Variants in MED12L observed in about 807,000 individuals in gnomAD.
MED12L encodes mediator complex subunit 12L.
Under a neutral mutation model 281.3 loss-of-function variants are expected in MED12L, and 60 were observed. The ratio of observed to expected loss-of-function variants is 0.21; its 90% CI spans 0.17 to 0.26. The LOEUF (loss-of-function observed/expected upper bound fraction) is 0.26, where lower values mean the gene tolerates loss of function less well. Ranked by LOEUF, MED12L falls within the 10% of genes least tolerant of loss-of-function variation. MED12L has a pLI of 1.00. For synonymous variants in MED12L, 974 were observed against 987.2 expected (o/e 0.99, Z 0.25); for missense variants, 2,146 against 2,680.9 (o/e 0.80, Z 4.41).
chr3:151,369,344 A>T, intron 25 of MED12L, 92 bp from the exon 26 acceptor site: 1 of 785,820 alleles, frequency 1.3e-6, no homozygotes, highest in Non-Finnish European at 2.0e-6. Flanking sequence ...AAGCACCCAC[A>T]GTCTAACAAT....
At chr3:151,263,047 G>A (rs571938421) in intron 16 of MED12L, among the ~76,000 whole-genome samples, 38 of 152,226 alleles carry the variant, frequency 2.5e-4, no homozygotes, top group South Asian at 2.1e-4. Flanking sequence ...TGACTGTCGC[G>A]TGGGGTGGCG....
chr3:151,278,074 A>T (rs907378036), intron 16 of MED12L, among the ~76,000 whole-genome samples: 1 of 152,214 alleles, frequency 6.6e-6, no homozygotes, highest in African/African-American at 2.4e-5. Flanking sequence ...CATAAATGAT[A>T]ATATTTCAGT....
At chr3:151,113,138 T>C (rs779951825) in intron 2 of MED12L, among the ~76,000 whole-genome samples, 5 of 152,296 alleles carry the variant, frequency 3.3e-5, no homozygotes, top group Non-Finnish European at 5.9e-5. Context: ...GGTGGACAGT[T>C]CCAGTTTTAA....
chr3:151,255,007 T>A (rs1305208314), intron 16 of MED12L, among the ~76,000 whole-genome samples: 2 of 152,214 alleles, frequency 1.3e-5, no homozygotes, highest in Non-Finnish European at 2.9e-5. Flanking sequence ...AGAAACTTTA[T>A]ATTATACTTA....
chr3:151,428,531 G>C (rs1270649103), intron 43 of MED12L, among the ~76,000 whole-genome samples: 1 of 152,186 alleles, frequency 6.6e-6, no homozygotes, highest in East Asian at 1.9e-4. Flanking sequence ...CATTCCATCA[G>C]TTGCTACTGA....
chr3:151,277,824 T>C (rs986578576), intron 16 of MED12L, among the ~76,000 whole-genome samples: 1 of 152,242 alleles, frequency 6.6e-6, no homozygotes, highest in Non-Finnish European at 1.5e-5. Flanking sequence ...TAAAAACTTT[T>C]ACCTATATAA....
intron 39 of MED12L, among the ~76,000 whole-genome samples, chr3:151,408,327 C>T (rs2108338319): frequency 6.6e-6 from 1 of 152,322 alleles, no homozygotes; most frequent in Non-Finnish European, 1.5e-5. Flanking sequence ...TTATCCCTTT[C>T]TCCCTGCTAG....
At chr3:151,172,221 A>G (rs1431350859) in intron 11 of MED12L, among the ~76,000 whole-genome samples, 4 of 152,212 alleles carry the variant, frequency 2.6e-5, no homozygotes, top group Non-Finnish European at 5.9e-5. Flanking sequence ...CAATTCACGT[A>G]TTTTTGATGA....
At chr3:151,345,158 C>T (rs547981717) in intron 16 of MED12L, among the ~76,000 whole-genome samples, 2 of 152,128 alleles carry the variant, frequency 1.3e-5, no homozygotes, top group Admixed American at 6.5e-5. Flanking sequence ...ATCTAAAGGA[C>T]GAGATTTTTA....
chr3:151,213,767 G>A (rs1336732590), intron 16 of MED12L: 1 of 1,614,096 alleles, frequency 6.2e-7, no homozygotes, highest in Non-Finnish European at 8.5e-7. Flanking sequence ...GATGCTTTGT[G>A]CCACTTCCGT....
At chr3:151,318,361 CTTTT>C (rs5853515) in intron 16 of MED12L, among the ~76,000 whole-genome samples, 7 of 144,958 alleles carry the variant, frequency 4.8e-5, no homozygotes, top group African/African-American at 1.8e-4. Context: ...TTCTTTTCTT[CTTTT>C]TTTTTTTTTG....
At chr3:151,136,139 G>A (rs766275567) in intron 5 of MED12L, among the ~76,000 whole-genome samples, 36 of 152,090 alleles carry the variant, frequency 2.4e-4, no homozygotes, top group Non-Finnish European at 4.3e-4. Flanking sequence ...TATCCTTATC[G>A]CTCCCAAAAT....
intron 14 of MED12L, 149 bp from the exon 15 acceptor site, chr3:151,192,401 C>G (rs1309200589): frequency 1.3e-5 from 8 of 637,190 alleles, no homozygotes; most frequent in Non-Finnish European, 2.2e-5. Context: ...CAAGGCATGC[C>G]TTAAAGCTTC....
At chr3:151,417,222 C>T (rs180831218) in intron 43 of MED12L, among the ~76,000 whole-genome samples, 15 of 152,268 alleles carry the variant, frequency 9.9e-5, no homozygotes, top group Non-Finnish European at 1.6e-4. Flanking sequence ...GCTGACCGCT[C>T]ATGTCTCACA....
At chr3:151,379,750 T>C (rs1053978562) in intron 31 of MED12L, among the ~76,000 whole-genome samples, 2 of 152,246 alleles carry the variant, frequency 1.3e-5, no homozygotes, top group African/African-American at 4.8e-5. Context: ...CTTTAAAAAT[T>C]TTTAATTTTA....
At chr3:151,363,296 A>G (rs1754852735) in intron 21 of MED12L, among the ~76,000 whole-genome samples, 1 of 152,178 alleles carries the variant, frequency 6.6e-6, no homozygotes, top group Non-Finnish European at 1.5e-5. Context: ...AAATGGGCAA[A>G]CAAAAGCTGG....
intron 27 of MED12L, among the ~76,000 whole-genome samples, chr3:151,373,936 G>A (rs1475797071): frequency 2.6e-5 from 4 of 151,918 alleles, no homozygotes; most frequent in Admixed American, 2.0e-4. Context: ...TTAATTCTAC[G>A]ACCTGTCTGC....
At chr3:151,163,190 A>G (rs549765118) in intron 8 of MED12L, among the ~76,000 whole-genome samples, 1 of 152,166 alleles carries the variant, frequency 6.6e-6, no homozygotes, top group Non-Finnish European at 1.5e-5. Flanking sequence ...TGTGACACAT[A>G]AGCAAGATGG....
chr3:151,426,275 ATAAT>A (rs1197535541), intron 43 of MED12L, among the ~76,000 whole-genome samples: 3 of 152,314 alleles, frequency 2.0e-5, no homozygotes, highest in South Asian at 4.1e-4. Flanking sequence ...TCCCGGGAGG[ATAAT>A]CCTTTAAATT....
Sources: allele counts gnomAD v4.1 joint callset (sites outside exome capture counted in the v4.1 genomes callset), GRCh38; gene constraint gnomAD v4.1.1; transcripts MANE v1.5; gene names NCBI Gene and HGNC (gene_info 2026-07-23, HGNC 2026-07-21).